DRG1: variants seen among roughly 807,000 people sequenced by gnomAD.
The protein encoded by DRG1 is developmentally regulated GTP binding protein 1.
DRG1 carries 19 observed loss-of-function variants against 38.8 expected under a neutral mutation model. The ratio of observed to expected loss-of-function variants is 0.49; its 90% CI spans 0.34 to 0.72. The LOEUF (loss-of-function observed/expected upper bound fraction) is 0.72. Among genes scored for constraint, DRG1 ranks in the 30% least tolerant of loss-of-function variants. DRG1 has a pLI of 0.01. For synonymous variants in DRG1, 167 were observed against 157.5 expected (o/e 1.06, Z -0.45); for missense variants, 299 against 444.8 (o/e 0.67, Z 2.95).
intron 4 of DRG1, among the ~76,000 whole-genome samples, chr22:31,412,352 C>CTTTTTTTTT (rs539328480): frequency 7.9e-6 from 1 of 127,282 alleles, no homozygotes; most frequent in Non-Finnish European, 1.7e-5. Flanking sequence ...TTCTTTCTTT[C>CTTTTTTTTT]TTTTTTTTTT....
Position 31,404,942 on chromosome 22 carries a change from T to G in DRG1, c.342+1738T>G, listed in dbSNP as rs149580387. Among the ~76,000 whole-genome samples, 3 of 151,302 alleles carry G rather than the reference T, an allele frequency of 2.0e-5. No homozygotes were observed. The South Asian group carries it at 6.2e-4, about 31-fold the overall frequency. On this transcript the variant is annotated intron_variant, in intron 3 of 8. Transcript: ENST00000331457. ...CAGGCCCCATGATTTAAATAAATAT[T>G]TTTTTTTTAGGTTTTGGTTGGTTGT...
chr22:31,433,797 A>ATG, intron 8 of DRG1, 75 bp from the exon 9 acceptor site: 1 of 1,316,066 alleles, frequency 7.6e-7, no homozygotes, highest in Non-Finnish European at 1.1e-6. Flanking sequence ...TCTGAGCAGA[A>ATG]GGGTGGCATC....
chr22:31,405,678 T>G (rs5749266), intron 3 of DRG1, among the ~76,000 whole-genome samples: 32,913 of 148,968 alleles, frequency 0.22, 4,681 homozygotes, highest in East Asian at 0.44. Flanking sequence ...TGTGTGTGTG[T>G]GTGGGGGGGT....
At chr22:31,420,924 G>A (rs1226094969) in intron 5 of DRG1, among the ~76,000 whole-genome samples, 2 of 152,098 alleles carry the variant, frequency 1.3e-5, no homozygotes, top group Non-Finnish European at 2.9e-5. Context: ...AGATAAGAGT[G>A]TTGGTGTGAG....
intron 8 of DRG1, among the ~76,000 whole-genome samples, chr22:31,428,894 T>C (rs1329492895): frequency 6.6e-6 from 1 of 152,204 alleles, no homozygotes; most frequent in Non-Finnish European, 1.5e-5. Flanking sequence ...AAAATAATGA[T>C]ATGTTCTTCT....
At chr22:31,433,365 G>T (rs1460236266) in intron 8 of DRG1, among the ~76,000 whole-genome samples, 1 of 150,608 alleles carries the variant, frequency 6.6e-6, no homozygotes, top group Non-Finnish European at 1.5e-5. Flanking sequence ...CCGCCTCCCG[G>T]GTTCAAGCCA....
rs753182568 is a variant in DRG1, at chr22:31,423,351, T to C, written c.654T>C (p.Asp218=). 3.1e-6 allele frequency: 5 copies of C among 1,613,978 alleles called. No homozygotes were observed. The highest frequency in any genetic ancestry group is 2.5e-6 in the Non-Finnish European group (3 of 1,180,028). ...ILAEYKIHNA[D]VTLRSDATAD... ...CTGAATACAAGATTCATAATGCCGATGTGACTCTACGTAGTGATGCTACAG... is the reference window on the plus strand; with the variant it reads ...CTGAATACAAGATTCATAATGCCGACGTGACTCTACGTAGTGATGCTACAG... The change falls in exon 6 of 9, where the codon GAT becomes GAC. Residue 218 remains aspartate, a synonymous_variant. Transcript: ENST00000331457.
rs768472446 is a variant in DRG1 at position 31,403,112 on chromosome 22, C to T, written c.250C>T (p.Leu84=). 1.9e-6 allele frequency: 3 copies of T among 1,613,978 alleles called. No individual in the cohort carries two copies. Among genetic ancestry groups the T allele is most frequent in the Non-Finnish European group, 2.5e-6 (3 of 1,180,042 alleles). Reference sequence around the variant, plus strand: ...GGGGAAGTCAACACTGCTTAGTAACCTGGCAGGGGTATATTCTGAGGTGGC... The same window carrying T: ...GGGGAAGTCAACACTGCTTAGTAACTTGGCAGGGGTATATTCTGAGGTGGC... ...SVGKSTLLSN[L]AGVYSEVAAY... Residue 84 remains leucine (L), a synonymous_variant, in exon 3 of 9, where the codon CTG becomes TTG. Coordinates refer to ENST00000331457, the MANE Select transcript of DRG1 (RefSeq NM_004147.4).
chr22:31,432,614 G>A (rs1381058360), intron 8 of DRG1, among the ~76,000 whole-genome samples: 1 of 152,098 alleles, frequency 6.6e-6, no homozygotes, highest in African/African-American at 2.4e-5. Context: ...TTTTAGTAGA[G>A]ATGGGGTTTC....
At chr22:31,428,357 G>A (rs1315840656) in intron 8 of DRG1, among the ~76,000 whole-genome samples, 3 of 152,022 alleles carry the variant, frequency 2.0e-5, no homozygotes, top group African/African-American at 4.8e-5. Flanking sequence ...GACTACAGGT[G>A]CCCGCCACCA....
rs528515838 is a variant in DRG1 at position 31,420,398 on chromosome 22, C to A, written c.555C>A (p.Asp185Glu). ...KPPNIGFKKK[D>E]KGGINLTATC... Reference sequence around the variant, plus strand: ...CCAACATTGGCTTTAAGAAGAAGGACAAGGGAGGCATTAATCTCACAGCCA... The same window carrying A: ...CCAACATTGGCTTTAAGAAGAAGGAAAAGGGAGGCATTAATCTCACAGCCA... The change falls in exon 5 of 9, where the codon GAC becomes GAA. Residue 185 changes from aspartate (D) to glutamate (E), a missense_variant. Coordinates refer to ENST00000331457, the MANE Select transcript of DRG1 (RefSeq NM_004147.4). The A allele has an allele frequency of 1.2e-6, 2 of 1,613,984 alleles. No individual in the cohort carries two copies. The highest frequency in any genetic ancestry group is 1.7e-6 in the Non-Finnish European group (2 of 1,180,032).
At chr22:31,417,072 A>T (rs35955747) in intron 4 of DRG1, among the ~76,000 whole-genome samples, 71,116 of 150,560 alleles carry the variant, frequency 0.47, 17,612 homozygotes, top group Middle Eastern at 0.6. Context: ...TCAAAAAAAA[A>T]AATAATAATA....
chr22:31,405,680 T>TGG lies in DRG1; in HGVS notation c.342+2482_342+2483dup, dbSNP rs201356559. 1.0e-3 allele frequency among the ~76,000 whole-genome samples: 158 copies of TGG among 150,684 alleles called. 2 individuals are homozygous for TGG. The East Asian group carries it at 0.019, about 18-fold the overall frequency. On this transcript the variant is annotated intron_variant, in intron 3 of 8. Transcript: ENST00000331457. ...ATACTGTTGGGCATGTGTGTGTGTGTGGGGGGGTTTATTTATTTTTTTATT... is the reference window on the plus strand; with the variant it reads ...ATACTGTTGGGCATGTGTGTGTGTGTGGGGGGGGGTTTATTTATTTTTTTATT...
intron 4 of DRG1, 29 bp downstream of exon 4, chr22:31,411,110 GA>G (rs752237408): frequency 6.2e-7 from 1 of 1,610,192 alleles, no homozygotes; most frequent in South Asian, 1.1e-5. Context: ...ACCATCCTGG[GA>G]TATCATTCCC....
intron 3 of DRG1, among the ~76,000 whole-genome samples, chr22:31,407,936 T>C (rs1330464215): frequency 2.7e-5 from 4 of 149,198 alleles, no homozygotes; most frequent in East Asian, 2.0e-4. Context: ...GCTTGGCCAA[T>C]GTGGTGAAAC....
At chr22:31,422,149 C>T (rs564081666) in intron 5 of DRG1, among the ~76,000 whole-genome samples, 5 of 146,944 alleles carry the variant, frequency 3.4e-5, no homozygotes, top group African/African-American at 9.9e-5. Context: ...AAAAGAGAAT[C>T]GGCCAGGCAC....
At chr22:31,424,098 A>T (rs1325407081) in intron 6 of DRG1, among the ~76,000 whole-genome samples, 4 of 151,690 alleles carry the variant, frequency 2.6e-5, no homozygotes, top group Non-Finnish European at 5.9e-5. Flanking sequence ...TCCTGACCTC[A>T]GGTGATCCAC....
rs2049956713 is a variant in DRG1 at position 31,400,769 on chromosome 22, A to G, written c.166+26A>G. On this transcript the variant is annotated intron_variant, in intron 2 of 8. Coordinates refer to ENST00000331457, the MANE Select transcript of DRG1 (RefSeq NM_004147.4). ...GTTTGTGTTCTTCTTCAATATATAT[A>G]TTTTTAGGTATAATTTTTGTCAAAA... 2.5e-6 allele frequency: 4 copies of G among 1,596,212 alleles called. No individual in the cohort carries two copies. In the African/African-American group the frequency reaches 5.4e-5, roughly 22 times the overall value.
At chr22:31,423,233 T>C (rs753234042) in intron 5 of DRG1, 47 bp from the exon 6 acceptor site, 3 of 1,593,316 alleles carry the variant, frequency 1.9e-6, no homozygotes, top group Admixed American at 3.4e-5. Flanking sequence ...TTGACAAGTA[T>C]TTTTTTTAAA....
Sources: gnomAD v4.1 joint callset for allele counts (sites outside exome capture counted in the v4.1 genomes callset) on GRCh38, gnomAD v4.1.1 for gene constraint, MANE v1.5 for transcripts, NCBI Gene and HGNC (gene_info 2026-07-23, HGNC 2026-07-21) for gene names.